Variants in RBFOX1 observed in about 807,000 individuals in gnomAD.
The protein encoded by RBFOX1 is RNA binding protein fox-1 homolog 1.
A neutral mutation model predicts 57.7 loss-of-function variants in RBFOX1; 8 were observed. That is an observed-to-expected ratio of 0.14 (90% CI 0.08 to 0.25). RBFOX1 has a LOEUF of 0.25. Ranked by LOEUF, RBFOX1 falls within the 10% of genes least tolerant of loss-of-function variation. The pLI is 1.00. For missense variants in RBFOX1, 611 were observed against 548.5 expected, an observed-to-expected ratio of 1.11 and a Z score of -1.14; for synonymous variants, 326 against 222.4, an observed-to-expected ratio of 1.47 and a Z score of -4.15.
intron 3 of RBFOX1, chr16:5,616,190 C>T (rs1176944204): frequency 2.6e-5 from 4 of 152,486 alleles, no homozygotes; most frequent in Admixed American, 2.6e-4. Flanking sequence ...CCTGGGCTGG[C>T]TTAACGGTCC....
At chr16:7,685,669 A>T (rs2075914094) in intron 14 of RBFOX1, among the ~76,000 whole-genome samples, 1 of 152,118 alleles carries the variant, frequency 6.6e-6, no homozygotes, top group African/African-American at 2.4e-5. Context: ...TTTGCAGTGA[A>T]TATATAGAGG....
chr16:6,360,712 T>C (rs2088307382), intron 2 of RBFOX1, among the ~76,000 whole-genome samples: 1 of 152,182 alleles, frequency 6.6e-6, no homozygotes, highest in South Asian at 2.1e-4. Flanking sequence ...ACCCATCTTA[T>C]GTTTTGCGAA....
At chr16:6,521,220 A>G (rs2096490991) in intron 2 of RBFOX1, among the ~76,000 whole-genome samples, 1 of 152,100 alleles carries the variant, frequency 6.6e-6, no homozygotes, top group Non-Finnish European at 1.5e-5. Context: ...AGACATTATG[A>G]CAGGGAAGCC....
chr16:5,895,800 A>G (rs964810408), intron 4 of RBFOX1, among the ~76,000 whole-genome samples: 2 of 152,232 alleles, frequency 1.3e-5, no homozygotes, highest in African/African-American at 4.8e-5. Flanking sequence ...GACATTTAAT[A>G]CCTTATACTG....
Position 7,603,132 on chromosome 16 carries a change from C to T in RBFOX1, c.623-4153C>T, listed in dbSNP as rs989654078. ...GCCTACATCAAAAAAGTAATTTCAA[C>T]TAAGCAACCGGGACAACAGTCATCC... On this transcript the variant is annotated intron_variant, in intron 9 of 15. Transcript: ENST00000550418. 2.0e-5 allele frequency among the ~76,000 whole-genome samples: 3 copies of T among 152,146 alleles called. No individual in the cohort carries two copies. The East Asian group carries it at 5.8e-4, about 29-fold the overall frequency.
intron 2 of RBFOX1, among the ~76,000 whole-genome samples, chr16:6,433,846 C>CTTTTTT (rs201617630): frequency 1.0e-4 from 13 of 127,172 alleles, no homozygotes; most frequent in South Asian, 2.5e-4. Flanking sequence ...TTTCATTTTT[C>CTTTTTT]TTTTTTTTTT....
At chr16:6,843,556 G>C (rs944436070) in intron 3 of RBFOX1, among the ~76,000 whole-genome samples, 26 of 152,028 alleles carry the variant, frequency 1.7e-4, no homozygotes. Flanking sequence ...AGGCATGGTG[G>C]CGGGCACCTG....
At chr16:6,528,602 G>C (rs11645261) in intron 2 of RBFOX1, among the ~76,000 whole-genome samples, 1 of 152,046 alleles carries the variant, frequency 6.6e-6, no homozygotes, top group Non-Finnish European at 1.5e-5. Flanking sequence ...GGATAGATAC[G>C]ATTTTAAAAT....
At chr16:5,750,212 A>G (rs1362988078) in intron 3 of RBFOX1, among the ~76,000 whole-genome samples, 1 of 152,118 alleles carries the variant, frequency 6.6e-6, no homozygotes, top group East Asian at 1.9e-4. Flanking sequence ...TTGCTGCCCG[A>G]TCATTCCTTT....
chr16:6,998,590 T>G (rs1175470125), intron 3 of RBFOX1, among the ~76,000 whole-genome samples: 1 of 152,188 alleles, frequency 6.6e-6, no homozygotes, highest in African/African-American at 2.4e-5. Context: ...AATTTGGTTA[T>G]ATCATTGTGA....
At position 6,819,613 on chromosome 16, in the gene RBFOX1, G is replaced by C. The variant is rs546308018; in HGVS notation, c.-16+164963G>C. On this transcript the variant is annotated intron_variant, in intron 3 of 15. Transcript: ENST00000550418. ...CCAGCTACTCGGGAGGCTGAGGCAG[G>C]AGAATTGCTTGAACCTGGGAAGCGG... Among the ~76,000 whole-genome samples, 3 of 144,810 alleles carry C rather than the reference G, an allele frequency of 2.1e-5. No homozygotes were observed. The East Asian group carries it at 6.8e-4, about 33-fold the overall frequency.
intron 4 of RBFOX1, among the ~76,000 whole-genome samples, chr16:7,359,314 T>A (rs912418573): frequency 6.6e-6 from 1 of 152,228 alleles, no homozygotes; most frequent in African/African-American, 2.4e-5. Context: ...ACATAGCATA[T>A]GTAAAATGTT....
chr16:6,075,971 G>A (rs1004000692), intron 1 of RBFOX1, among the ~76,000 whole-genome samples: 9 of 152,154 alleles, frequency 5.9e-5, no homozygotes, highest in African/African-American at 1.2e-4. Flanking sequence ...AGATGAAACA[G>A]AGGCTTATCT....
chr16:7,361,381 T>C (rs111241002), intron 4 of RBFOX1, among the ~76,000 whole-genome samples: 2 of 152,194 alleles, frequency 1.3e-5, no homozygotes, highest in Non-Finnish European at 2.9e-5. Flanking sequence ...TTGGGGAAGA[T>C]TAAAACCATT....
chr16:5,658,131 C>T (rs1037117046), intron 3 of RBFOX1, among the ~76,000 whole-genome samples: 3 of 152,184 alleles, frequency 2.0e-5, no homozygotes, highest in African/African-American at 7.2e-5. Flanking sequence ...TTGAGCAAAG[C>T]AATGCCAGGA....
intron 1 of RBFOX1, among the ~76,000 whole-genome samples, chr16:5,368,139 A>C (rs1243582068): frequency 2.0e-5 from 3 of 152,228 alleles, no homozygotes; most frequent in East Asian, 3.8e-4. Context: ...CCCTGATGTC[A>C]TATCCAACCT....
At chr16:7,265,782 C>T (rs12922161) in intron 4 of RBFOX1, among the ~76,000 whole-genome samples, 13,890 of 152,030 alleles carry the variant, frequency 0.091, 854 homozygotes, top group Middle Eastern at 0.17. Flanking sequence ...CTAATCCCAT[C>T]AGGAGGGATT....
intron 1 of RBFOX1, among the ~76,000 whole-genome samples, chr16:6,061,820 C>A (rs1238352553): frequency 4.6e-5 from 7 of 152,060 alleles, no homozygotes; most frequent in Admixed American, 4.6e-4. Context: ...CAGCAGATAC[C>A]AATGGGGTGT....
intron 1 of RBFOX1, among the ~76,000 whole-genome samples, chr16:6,058,712 C>T (rs1043743959): frequency 8.7e-6 from 1 of 115,396 alleles, no homozygotes; most frequent in Admixed American, 8.3e-5. Flanking sequence ...CATTCACCCA[C>T]CCATCCACCC....
Sources: gnomAD v4.1 joint callset for allele counts (sites outside exome capture counted in the v4.1 genomes callset) on GRCh38, gnomAD v4.1.1 for gene constraint, MANE v1.5 for transcripts, NCBI Gene and HGNC (gene_info 2026-07-23, HGNC 2026-07-21) for gene names.